The following TEX2 variants were observed in gnomAD, a reference collection of about 807,000 sequenced individuals.
TEX2 encodes the protein testis-expressed protein 2.
A neutral mutation model predicts 106.9 loss-of-function variants in TEX2; 53 were observed. The ratio of observed to expected loss-of-function variants is 0.50; its 90% CI spans 0.40 to 0.62. TEX2 has a LOEUF of 0.62. Among genes scored for constraint, TEX2 ranks in the 20% least tolerant of loss-of-function variants. TEX2 has a pLI of 0.00. For synonymous variants in TEX2, 523 were observed against 534.8 expected (o/e 0.98, Z 0.30); for missense variants, 1,207 against 1,379.0 (o/e 0.88, Z 1.98).
At chr17:64,149,199 A>G (rs1193745018) in intron 11 of TEX2, 108 bp from the exon 12 acceptor site, 7 of 1,271,850 alleles carry the variant, frequency 5.5e-6, no homozygotes, top group Non-Finnish European at 7.5e-6. Flanking sequence ...AAAAGTACAT[A>G]TAAAAACTTG....
At chr17:64,244,350 C>A (rs781876628) in intron 1 of TEX2, among the ~76,000 whole-genome samples, 1 of 152,186 alleles carries the variant, frequency 6.6e-6, no homozygotes, top group African/African-American at 2.4e-5. Flanking sequence ...CAGCCCCTGA[C>A]GTCTAGACAG....
Position 64,153,085 on chromosome 17 carries a change from G to A in TEX2, c.3000C>T (p.Phe1000=). ...TAAACTCTGTCTCTGTTGCTTTTTG[G>A]AAATATTTTGACTTGGTAATTTTAT... ...FVDKITKSKY[F]QKATETEFIK... is the part of the protein sequence containing the mutation. Residue 1000 remains phenylalanine, a synonymous_variant, in exon 10 of 12, where the codon TTC becomes TTT. Coordinates refer to ENST00000584379, the MANE Select transcript of TEX2 (RefSeq NM_001288732.2). This position sits in a 1 kb window ranked among gnomAD's most constrained non-coding sequence, Gnocchi z 4.1. The A allele has an allele frequency of 6.2e-7, 1 of 1,614,044 alleles. No individual in the cohort carries two copies. Among genetic ancestry groups the A allele is most frequent in the East Asian group, 2.2e-5 (1 of 44,886 alleles).
Position 64,239,850 on chromosome 17 carries a change from T to C in TEX2, c.-26+23318A>G, listed in dbSNP as rs545041818. 3.7e-4 allele frequency among the ~76,000 whole-genome samples: 41 copies of C among 112,102 alleles called. No homozygotes were observed. The South Asian group carries it at 8.1e-3, about 22-fold the overall frequency. The allele number at this position is 112,102 out of a possible 152,430, so 73.5% of individuals were successfully genotyped here. A position where few individuals can be genotyped will look rare whatever the true frequency, so the allele number is the denominator to read the frequency against. ...AAGATCATGCCACTGCACTCCAGCCTGGACAACAGAGTGAGACTCTGTCTC... is the reference window on the plus strand; with the variant it reads ...AAGATCATGCCACTGCACTCCAGCCCGGACAACAGAGTGAGACTCTGTCTC... On this transcript the variant is annotated intron_variant, in intron 1 of 11. Coordinates refer to ENST00000584379, the MANE Select transcript of TEX2 (RefSeq NM_001288732.2).
chr17:64,193,760 T>C lies in TEX2; in HGVS notation c.1975A>G (p.Lys659Glu). The C allele has an allele frequency of 6.2e-7, 1 of 1,613,876 alleles. No homozygotes were observed. The highest frequency in any genetic ancestry group is 8.5e-7 in the Non-Finnish European group (1 of 1,179,858). The change falls in exon 4 of 12, where the codon AAG becomes GAG. Residue 659 changes from lysine (K) to glutamate (E), a missense_variant. Physicochemically the swap from Lys to Glu is moderately conservative, Grantham distance 56. Around this residue, in one of 3 missense-constraint regions of TEX2, gnomAD observed 1,067 missense variants for 1,193.6 expected, o/e 0.89. Transcript: ENST00000584379. ...AQTDKETSEE[K>E]PPAEGSEDPK... ...TCCTCACTTCCCTCAGCTGGCGGCT[T>C]CTCTTCTGAAGTCTCCTTATCAGTC... is the stretch of plus-strand genomic sequence containing the variant.
intron 1 of TEX2, among the ~76,000 whole-genome samples, chr17:64,234,805 G>T (rs184461770): frequency 6.6e-6 from 1 of 152,086 alleles, no homozygotes; most frequent in Admixed American, 6.5e-5. Flanking sequence ...ATTACCACTT[G>T]TTCTCAAAAT....
intron 1 of TEX2, among the ~76,000 whole-genome samples, chr17:64,262,116 T>G (rs1202584403): frequency 2.0e-5 from 3 of 152,226 alleles, no homozygotes; most frequent in African/African-American, 7.2e-5. Flanking sequence ...CTCATTCCTT[T>G]TAATGCATGT....
At chr17:64,218,421 T>C in intron 1 of TEX2, among the ~76,000 whole-genome samples, 1 of 148,544 alleles carries the variant, frequency 6.7e-6, no homozygotes, top group African/African-American at 2.5e-5. Context: ...TTTTTTTTTT[T>C]TTTTTTTTTT....
chr17:64,196,868 C>T (rs554366920), intron 2 of TEX2, among the ~76,000 whole-genome samples: 8 of 151,984 alleles, frequency 5.3e-5, no homozygotes, highest in Admixed American at 3.3e-4. Flanking sequence ...CTCACAAGAA[C>T]GGATTCTACA....
intron 5 of TEX2, among the ~76,000 whole-genome samples, chr17:64,180,195 T>A (rs10853049): frequency 0.52 from 79,483 of 151,630 alleles, 22,625 homozygotes; most frequent in East Asian, 0.82. Flanking sequence ...ACGTGTCTTA[T>A]TTTAGATTTG....
intron 1 of TEX2, among the ~76,000 whole-genome samples, chr17:64,241,770 C>CT (rs1402484978): frequency 3.9e-5 from 6 of 152,124 alleles, no homozygotes; most frequent in Non-Finnish European, 8.8e-5. Flanking sequence ...GTAGCTAGGA[C>CT]TACAGGCACA....
intron 10 of TEX2, among the ~76,000 whole-genome samples, chr17:64,151,733 G>A (rs1203444828): frequency 6.6e-6 from 1 of 152,164 alleles, no homozygotes; most frequent in African/African-American, 2.4e-5. Flanking sequence ...CTATCCTAGA[G>A]CCCTTTTATT....
chr17:64,154,351 A>T (rs1257101949), intron 9 of TEX2, among the ~76,000 whole-genome samples: 1 of 152,246 alleles, frequency 6.6e-6, no homozygotes, highest in Non-Finnish European at 1.5e-5. Flanking sequence ...CCAAGTTAAC[A>T]GGGAAAGAGT....
intron 5 of TEX2, among the ~76,000 whole-genome samples, chr17:64,184,026 C>G (rs1421046214): frequency 1.3e-5 from 2 of 152,178 alleles, no homozygotes; most frequent in Admixed American, 6.5e-5. Context: ...ACTAATGATA[C>G]TGAGCATCTT....
chr17:64,192,270 A>T (rs1006455337), intron 4 of TEX2, among the ~76,000 whole-genome samples: 1 of 152,268 alleles, frequency 6.6e-6, no homozygotes, highest in African/African-American at 2.4e-5. Flanking sequence ...GTCATTGTAG[A>T]TGCCATTCAT....
chr17:64,250,138 G>A (rs996424368), intron 1 of TEX2, among the ~76,000 whole-genome samples: 1 of 152,128 alleles, frequency 6.6e-6, no homozygotes, highest in Admixed American at 6.5e-5. Flanking sequence ...TGTAGGTGAG[G>A]TGGATAGGAA....
At chr17:64,170,649 TG>T (rs2031346889) in intron 7 of TEX2, among the ~76,000 whole-genome samples, 1 of 139,196 alleles carries the variant, frequency 7.2e-6, no homozygotes. Context: ...TTTTTTTTTG[TG>T]AGACAGAGTC....
rs953258527 is a variant in TEX2, at chr17:64,205,090, C to T, written c.1644+7484G>A. 1.3e-5 allele frequency among the ~76,000 whole-genome samples: 2 copies of T among 152,326 alleles called. No individual in the cohort carries two copies. The highest frequency in any genetic ancestry group is 3.4e-3 in the Middle Eastern group (1 of 294). ...TATGGAATTCAGGAAGCACGTTCCACACAGCTGCCTCTCCAACTTCAACAC... is the reference window on the plus strand; with the variant it reads ...TATGGAATTCAGGAAGCACGTTCCATACAGCTGCCTCTCCAACTTCAACAC... On this transcript the variant is annotated intron_variant, in intron 2 of 11. Transcript: ENST00000584379. The surrounding 1 kb of genome is among the most constrained non-coding windows in gnomAD (Gnocchi z 4.0).
Position 64,195,761 on chromosome 17 carries a change from C to G in TEX2, c.1645-666G>C, listed in dbSNP as rs2068161. 0.025 allele frequency among the ~76,000 whole-genome samples: 3,755 copies of G among 152,278 alleles called. 163 individuals are homozygous for G. The highest frequency in any genetic ancestry group is 0.085 in the African/African-American group (3,531 of 41,542). ...ACATAAATGATTTTGTGTTACATAT[C>G]TTGATTTTTTAAAAGAGCCAACACT... On this transcript the variant is annotated intron_variant, in intron 2 of 11. Transcript: ENST00000584379. The surrounding 1 kb of genome is among the most constrained non-coding windows in gnomAD (Gnocchi z 4.1).
At chr17:64,240,944 C>T (rs1210185461) in intron 1 of TEX2, among the ~76,000 whole-genome samples, 2 of 152,170 alleles carry the variant, frequency 1.3e-5, no homozygotes, top group African/African-American at 4.8e-5. Flanking sequence ...GCAGCAGCAT[C>T]ATTGGCAGTA....
Sources: allele counts gnomAD v4.1 joint callset (sites outside exome capture counted in the v4.1 genomes callset), GRCh38; gene constraint gnomAD v4.1.1; regional missense constraint gnomAD v4.1.1; non-coding constraint Gnocchi (gnomAD v3.1); transcripts MANE v1.5; gene names NCBI Gene and HGNC (gene_info 2026-07-23, HGNC 2026-07-21).